The following SBF2 variants were observed in gnomAD, a reference collection of about 807,000 sequenced individuals.
SBF2 encodes the protein SET binding factor 2.
A neutral mutation model predicts 225.2 loss-of-function variants in SBF2; 112 were observed. The ratio of observed to expected loss-of-function variants is 0.50; its 90% CI spans 0.43 to 0.58. The LOEUF is 0.58. Ranked by LOEUF, SBF2 falls within the 20% of genes least tolerant of loss-of-function variation. The pLI, the probability that SBF2 is intolerant of heterozygous loss-of-function variation, is 0.00. For missense variants in SBF2, 1,996 were observed against 2,206.2 expected (o/e 0.90, Z 1.91); for synonymous variants, 763 against 773.3 (o/e 0.99, Z 0.22).
chr11:9,880,204 A>C (rs1859644135), intron 17 of SBF2, among the ~76,000 whole-genome samples: 1 of 152,062 alleles, frequency 6.6e-6, no homozygotes, highest in Non-Finnish European at 1.5e-5. Context: ...AACAATTCAC[A>C]ATCAGAAGCT....
intron 16 of SBF2, among the ~76,000 whole-genome samples, chr11:9,943,111 G>A (rs1349455748): frequency 1.3e-5 from 2 of 152,128 alleles, no homozygotes; most frequent in Non-Finnish European, 2.9e-5. Context: ...ATATAAAAAA[G>A]GGGTTATTGC....
intron 17 of SBF2, among the ~76,000 whole-genome samples, chr11:9,873,114 G>A (rs1858913512): frequency 6.8e-6 from 1 of 147,128 alleles, no homozygotes; most frequent in Non-Finnish European, 1.5e-5. Context: ...GCTGAGGCAG[G>A]AGAATCGCTT....
intron 16 of SBF2, among the ~76,000 whole-genome samples, chr11:9,898,373 C>T (rs190734471): frequency 3.6e-4 from 37 of 101,672 alleles, no homozygotes; most frequent in African/African-American, 1.1e-3. Context: ...ACTACTGAAA[C>T]AATAATGGAT....
intron 7 of SBF2, 140 bp downstream of exon 7, chr11:10,002,417 G>C: frequency 1.4e-6 from 1 of 701,374 alleles, no homozygotes; most frequent in East Asian, 2.7e-5. Flanking sequence ...GATTTTATCA[G>C]AACTATGACT....
chr11:10,095,480 G>T (rs994542650), intron 2 of SBF2, among the ~76,000 whole-genome samples: 1 of 152,032 alleles, frequency 6.6e-6, no homozygotes, highest in Non-Finnish European at 1.5e-5. Context: ...ACTTTCAACA[G>T]CCAACTATGA....
In SBF2 at chr11:10,254,900, C is replaced by CAAAAAAAAAAAAAAAAAAAAAAA. The variant is rs71034757; in HGVS notation, c.55+39092_55+39114dup. On this transcript the variant is annotated intron_variant, in intron 1 of 39. Transcript: ENST00000256190. ...TGGGTGACAGAGTGAGACTCTGTCT[C>CAAAAAAAAAAAAAAAAAAAAAAA]AAAAAAAAAAAAAAAAAAAAAAAAA... is the stretch of plus-strand genomic sequence containing the variant. Among the ~76,000 whole-genome samples the CAAAAAAAAAAAAAAAAAAAAAAA allele has an allele frequency of 2.5e-4, 11 of 44,074 alleles. 1 individual carries two copies. Among genetic ancestry groups the CAAAAAAAAAAAAAAAAAAAAAAA allele is most frequent in the Non-Finnish European group, 3.4e-4 (9 of 26,492 alleles). 28.9% of individuals were successfully genotyped at this position (44,074 alleles called of 152,430 possible).
chr11:10,225,915 G>A (rs753111817), intron 1 of SBF2, among the ~76,000 whole-genome samples: 1 of 152,124 alleles, frequency 6.6e-6, no homozygotes, highest in Non-Finnish European at 1.5e-5. Context: ...GAGTCGATTA[G>A]CAGTATGTTT....
At position 10,095,170 on chromosome 11, in the gene SBF2, A is replaced by G. The variant is rs189959837; in HGVS notation, c.142-52189T>C. 4.6e-5 allele frequency among the ~76,000 whole-genome samples: 7 copies of G among 152,102 alleles called. No individual in the cohort carries two copies. The East Asian group carries it at 1.4e-3, about 29-fold the overall frequency. On this transcript the variant is annotated intron_variant, in intron 2 of 39. Transcript: ENST00000256190. ...GCTCCTGGCTTCAAGCAATCCTCAC[A>G]TCTTAGCCTCCCAAAAAGCTGGGAT... is the stretch of plus-strand genomic sequence containing the variant.
chr11:10,196,822 T>C (rs1957370610), intron 1 of SBF2, among the ~76,000 whole-genome samples: 1 of 140,434 alleles, frequency 7.1e-6, no homozygotes, highest in African/African-American at 2.6e-5. Flanking sequence ...CATTTATTCC[T>C]AGGTTTCTTG....
chr11:10,204,171 C>G (rs933286049), intron 1 of SBF2, among the ~76,000 whole-genome samples: 1 of 148,882 alleles, frequency 6.7e-6, no homozygotes, highest in African/African-American at 2.5e-5. Flanking sequence ...ATAAGAATGA[C>G]AGCAGACTTC....
chr11:10,130,836 G>C (rs1954008781), intron 2 of SBF2, among the ~76,000 whole-genome samples: 1 of 151,950 alleles, frequency 6.6e-6, no homozygotes, highest in Non-Finnish European at 1.5e-5. Context: ...TAATGCTCCT[G>C]ACTGAGATCT....
chr11:9,873,101 G>C (rs1055007026), intron 17 of SBF2, among the ~76,000 whole-genome samples: 1 of 150,692 alleles, frequency 6.6e-6, no homozygotes, highest in Non-Finnish European at 1.5e-5. Context: ...AGCTACTCAG[G>C]AGGCTGAGGC....
chr11:9,787,795 C>A, intron 35 of SBF2, 57 bp from the exon 36 acceptor site: 2 of 1,404,532 alleles, frequency 1.4e-6, no homozygotes, highest in East Asian at 2.3e-5. Context: ...GGATGGGCCC[C>A]AAAGCCACAC....
intron 24 of SBF2, among the ~76,000 whole-genome samples, chr11:9,844,616 G>A (rs1395189746): frequency 6.6e-6 from 1 of 152,126 alleles, no homozygotes; most frequent in African/African-American, 2.4e-5. Flanking sequence ...TCCTGGACCA[G>A]GAATAAAAAA....
At chr11:9,882,955 T>A (rs1416232787) in intron 17 of SBF2, among the ~76,000 whole-genome samples, 2 of 152,126 alleles carry the variant, frequency 1.3e-5, no homozygotes, top group African/African-American at 4.8e-5. Flanking sequence ...AGCTATCTAT[T>A]AGCCTGGGCA....
At chr11:10,067,208 A>AT (rs1590877664) in intron 2 of SBF2, among the ~76,000 whole-genome samples, 2 of 152,218 alleles carry the variant, frequency 1.3e-5, no homozygotes, top group African/African-American at 4.8e-5. Context: ...GGAAAACTAA[A>AT]TAAGACCCAA....
At chr11:9,978,414 T>C (rs939441689) in intron 13 of SBF2, among the ~76,000 whole-genome samples, 1 of 152,152 alleles carries the variant, frequency 6.6e-6, no homozygotes, top group African/African-American at 2.4e-5. Context: ...ACCTAGAATA[T>C]GCCTGGCACT....
rs144213559 is a variant in SBF2 at position 10,101,659 on chromosome 11, CTG to C, written c.142-58680_142-58679del. Among the ~76,000 whole-genome samples, 707 of 148,014 alleles carry C rather than the reference CTG, an allele frequency of 4.8e-3. 4 individuals carry two copies. Among genetic ancestry groups the C allele is most frequent in the East Asian group, 0.024 (122 of 5,000 alleles). ...TTCTGGTGTGTCTCTCTCTCTCGCT[CTG>C]TGTGTGTGTGTGTGTGTGTGTGTGT... On this transcript the variant is annotated intron_variant, in intron 2 of 39. Coordinates refer to ENST00000256190, the MANE Select transcript of SBF2 (RefSeq NM_030962.4).
At chr11:9,975,673 CA>C (rs1946647785) in intron 13 of SBF2, among the ~76,000 whole-genome samples, 2 of 152,116 alleles carry the variant, frequency 1.3e-5, no homozygotes, top group South Asian at 4.1e-4. Context: ...ACAAAGAAAT[CA>C]GATAGGACGG....
Sources: allele counts gnomAD v4.1 joint callset (sites outside exome capture counted in the v4.1 genomes callset), GRCh38; gene constraint gnomAD v4.1.1; transcripts MANE v1.5; gene names NCBI Gene and HGNC (gene_info 2026-07-23, HGNC 2026-07-21).